RPL22L1: variants seen among roughly 807,000 people sequenced by gnomAD.
RPL22L1 encodes ribosomal protein L22 like 1.
Under a neutral mutation model 17.3 loss-of-function variants are expected in RPL22L1, and 19 were observed. The observed-to-expected ratio is 1.10, with a 90% CI of 0.77 to 1.61. The LOEUF (loss-of-function observed/expected upper bound fraction) is 1.61. RPL22L1 is among the 40% of genes most tolerant of loss of function. The probability of loss-of-function intolerance (pLI) is 0.00; values close to 1 mark genes in which losing one functional copy is unlikely to be tolerated. For missense variants in RPL22L1, 139 were observed against 144.4 expected (o/e 0.96, Z 0.19); for synonymous variants, 48 against 48.5 (o/e 0.99, Z 0.05).
intron 1 of RPL22L1, 118 bp downstream of exon 1, chr3:170,870,041 C>T (rs1711936544): frequency 6.8e-7 from 1 of 1,465,184 alleles, no homozygotes; most frequent in Admixed American, 1.8e-5. Flanking sequence ...ACCCAGACTT[C>T]ACTACTCCCC....
intron 3 of RPL22L1, 78 bp from the exon 4 acceptor site, chr3:170,866,602 A>G (rs559199988): frequency 2.0e-6 from 2 of 1,016,020 alleles, no homozygotes; most frequent in South Asian, 3.3e-5. Flanking sequence ...AAAAATATAC[A>G]TCATCATATT....
chr3:170,867,683 TCTC>T lies in RPL22L1; in HGVS notation c.224+327_224+329del, dbSNP rs1711820866. ...TACTGAATAAATAACTTGAGACAAT[TCTC>T]CTATGTACACATCAGACATGTTTCT... On this transcript the variant is annotated intron_variant, in intron 3 of 3. Transcript: ENST00000295830. Among the ~76,000 whole-genome samples the T allele has an allele frequency of 2.6e-5, 4 of 152,200 alleles. No homozygotes were observed. In the South Asian group the frequency reaches 6.2e-4, roughly 24 times the overall value.
At position 170,865,221 on chromosome 3, in the gene RPL22L1, A is replaced by G. The variant is rs1373358300; in HGVS notation, c.*1159T>C. On this transcript the variant is annotated 3_prime_UTR_variant, in exon 4 of 4. Transcript: ENST00000295830. ...AAACATTGAATTAAACAATAATTTC[A>G]AGCAATTCCCAAACCAATTAATGCA... 2 of 152,226 alleles carry G rather than the reference A, an allele frequency of 1.3e-5. No individual in the cohort carries two copies. The highest frequency in any genetic ancestry group is 1.5e-5 in the Non-Finnish European group (1 of 68,040). 9.4% of individuals were successfully genotyped at this position (152,226 alleles called of 1,614,324 possible). A position where few individuals can be genotyped will look rare whatever the true frequency, so the allele number is the denominator to read the frequency against.
Position 170,866,631 on chromosome 3 carries a change from C to T in RPL22L1, c.225-107G>A. ...TCATATTCATCTTTTCTGTACCTAG[C>T]TTCCTCCAAAATATTTCATCCTTCC... On this transcript the variant is annotated intron_variant, in intron 3 of 3. Transcript: ENST00000295830. 1.6e-5 allele frequency: 12 copies of T among 773,302 alleles called. No individual in the cohort carries two copies. In the South Asian group the frequency reaches 2.4e-4, roughly 15 times the overall value. The allele number at this position is 773,302 out of a possible 1,614,324, so 47.9% of individuals were successfully genotyped here.
At position 170,867,939 on chromosome 3, in the gene RPL22L1, C is replaced by T. The variant is rs977953856; in HGVS notation, c.224+74G>A. On this transcript the variant is annotated intron_variant, in intron 3 of 3. Transcript: ENST00000295830. ...TTTATTCTTGCATATAAACAGAATA[C>T]ATGTAATAACTACATATTCTATGAA... is the stretch of plus-strand genomic sequence containing the variant. 5 of 1,181,476 alleles carry T rather than the reference C, an allele frequency of 4.2e-6. No individual in the cohort carries two copies. In the African/African-American group the frequency reaches 4.7e-5, roughly 11 times the overall value. 73.2% of individuals were successfully genotyped at this position (1,181,476 alleles called of 1,614,324 possible). A position where few individuals can be genotyped will look rare whatever the true frequency, so the allele number is the denominator to read the frequency against.
At position 170,868,099 on chromosome 3, in the gene RPL22L1, G is replaced by C. The variant is rs771058648; in HGVS notation, c.138C>G (p.Gly46=). 5 of 1,606,244 alleles carry C rather than the reference G, an allele frequency of 3.1e-6. No individual in the cohort carries two copies. In the South Asian group the frequency reaches 5.6e-5, roughly 18 times the overall value. Residue 46 remains glycine (G), a synonymous_variant, in exon 3 of 4, where the codon GGC becomes GGG. Coordinates refer to ENST00000295830, the MANE Select transcript of RPL22L1 (RefSeq NM_001099645.2). ...CAACATTCCCGAGATTTCCAGTTTT[G>C]CCATTGACTTTAACCTTCTCCCGTA... ...QFLREKVKVN[G]KTGNLGNVVH...
intron 3 of RPL22L1, 73 bp downstream of exon 3, chr3:170,867,940 A>G: frequency 8.4e-7 from 1 of 1,195,310 alleles, no homozygotes; most frequent in Non-Finnish European, 1.2e-6. Flanking sequence ...AACAGAATAC[A>G]TGTAATAACT....
At chr3:170,867,445 T>C (rs1408751231) in intron 3 of RPL22L1, among the ~76,000 whole-genome samples, 1 of 152,228 alleles carries the variant, frequency 6.6e-6, no homozygotes, top group Non-Finnish European at 1.5e-5. Flanking sequence ...ACTAGTTTTA[T>C]GCCCTTACAG....
chr3:170,867,979 C>T, intron 3 of RPL22L1, 34 bp downstream of exon 3: 1 of 1,480,722 alleles, frequency 6.8e-7, no homozygotes, highest in South Asian at 1.2e-5. Flanking sequence ...TCCAAAACTA[C>T]TATAGTTTTA....
At position 170,866,544 on chromosome 3, in the gene RPL22L1, A is replaced by C. The variant is rs1420110214; in HGVS notation, c.225-20T>G. The C allele has an allele frequency of 4.0e-6, 6 of 1,499,944 alleles. No individual in the cohort carries two copies. The highest frequency in any genetic ancestry group is 1.2e-5 in the South Asian group (1 of 81,038). 92.9% of individuals were successfully genotyped at this position (1,499,944 alleles called of 1,614,324 possible). ...AAATACCTTTTAAAATAAAAACATA[A>C]ATTTCATTAAGAAATACAATTCCTA... On this transcript the variant is annotated intron_variant, in intron 3 of 3. Coordinates refer to ENST00000295830, the MANE Select transcript of RPL22L1 (RefSeq NM_001099645.2).
chr3:170,868,129 T>G lies in RPL22L1; in HGVS notation c.108A>C (p.Gln36His). 6.2e-7 allele frequency: 1 copy of G among 1,604,706 alleles called. No homozygotes were observed. The highest frequency in any genetic ancestry group is 1.1e-5 in the South Asian group (1 of 89,856). ...TGACTTTAACCTTCTCCCGTAGAAA[T>G]TGCTCCTATTTTAAAACAGAAAAAA... ...DGIFDSGNFE[Q>H]FLREKVKVNG... Residue 36 changes from glutamine to histidine, a missense_variant, in exon 3 of 4, where the codon CAA becomes CAC. Transcript: ENST00000295830.
Position 170,868,317 on chromosome 3 carries a change from A to G in RPL22L1, c.83T>C (p.Ile28Thr), listed in dbSNP as rs777585598. ...ACTTACAAAATTTCCAGAATCAAAA[A>G]TTCCATCTTCTACTGGATGAGTAAG... ...LDLTHPVEDGIFDSGNFEQFL... is the reference protein window; with the variant it reads ...LDLTHPVEDGTFDSGNFEQFL... Residue 28 changes from isoleucine to threonine, a missense_variant, in exon 2 of 4, where the codon ATT becomes ACT. By Grantham distance (89) the Ile-to-Thr change is moderately conservative. Coordinates refer to ENST00000295830, the MANE Select transcript of RPL22L1 (RefSeq NM_001099645.2). 13 of 1,609,256 alleles carry G rather than the reference A, an allele frequency of 8.1e-6. No homozygotes were observed. The highest frequency in any genetic ancestry group is 1.1e-5 in the Non-Finnish European group (13 of 1,177,310).
Position 170,868,074 on chromosome 3 carries a change from C to G in RPL22L1, c.163G>C (p.Val55Leu). ...TTATTCTTGAAGCGTTCAATGTGAA[C>G]AACATTCCCGAGATTTCCAGTTTTG... ...NGKTGNLGNV[V>L]HIERFKNKIT... is the part of the protein sequence containing the mutation. The change falls in exon 3 of 4, where the codon GTT becomes CTT. Residue 55 changes from valine (V) to leucine (L), a missense_variant. By Grantham distance (32) the Val-to-Leu change is conservative. Transcript: ENST00000295830. The G allele has an allele frequency of 4.4e-6, 7 of 1,605,634 alleles. No homozygotes were observed. Among genetic ancestry groups the G allele is most frequent in the Non-Finnish European group, 6.0e-6 (7 of 1,175,148 alleles).
rs576804506 is a variant in RPL22L1 at position 170,866,429 on chromosome 3, C to G, written c.320G>C (p.Arg107Pro). 17 of 1,603,378 alleles carry G rather than the reference C, an allele frequency of 1.1e-5. No homozygotes were observed. In the South Asian group the frequency reaches 1.2e-4, roughly 12 times the overall value. The stretch of plus-strand genomic sequence containing the variant: ...TTCATCTTGACTAATCTGGAAGTAA[C>G]GAAGTTCGTAGGTCTCCTTGTCAGA... ...VASDKETYEL[R>P]YFQISQDEDE... Residue 107 changes from arginine (R) to proline (P), a missense_variant, in exon 4 of 4, where the codon CGT (arginine) becomes CCT (proline). Physicochemically the swap from Arg to Pro is moderately radical, Grantham distance 103 (BLOSUM62 -2). Coordinates refer to ENST00000295830, the MANE Select transcript of RPL22L1 (RefSeq NM_001099645.2).
At position 170,866,509 on chromosome 3, in the gene RPL22L1, A is replaced by G. The variant is rs1307612033; in HGVS notation, c.240T>C (p.Leu80=). 15 of 1,550,528 alleles carry G rather than the reference A, an allele frequency of 9.7e-6. No individual in the cohort carries two copies. The South Asian group carries it at 1.4e-4, about 15-fold the overall frequency. The change falls in exon 4 of 4, where the codon CTT becomes CTC. Residue 80 remains leucine (L), a synonymous_variant. Coordinates refer to ENST00000295830, the MANE Select transcript of RPL22L1 (RefSeq NM_001099645.2). ...TGTTCTTCTTAAGGTATTTCTTGGT[A>G]AGGTATTTCAAATACCTTTTAAAAT... ...KQFSKRYLKY[L]TKKYLKKNNL...
chr3:170,869,208 G>A (rs1050353037), intron 1 of RPL22L1, among the ~76,000 whole-genome samples: 1 of 151,662 alleles, frequency 6.6e-6, no homozygotes, highest in African/African-American at 2.4e-5. Context: ...GGCTACATAA[G>A]CAAAATGTTA....
rs1312161598 is a variant in RPL22L1 at position 170,866,237 on chromosome 3, A to G, written c.*143T>C. The G allele has an allele frequency of 1.6e-6, 1 of 610,426 alleles. No individual in the cohort carries two copies. The highest frequency in any genetic ancestry group is 2.7e-6 in the Non-Finnish European group (1 of 363,874). 37.8% of individuals were successfully genotyped at this position (610,426 alleles called of 1,614,324 possible). ...AGAGGGAAATCAAAATCATATAAAC[A>G]GCATACTCAAAAAAATGAGACAAAA... On this transcript the variant is annotated 3_prime_UTR_variant, in exon 4 of 4. Coordinates refer to ENST00000295830, the MANE Select transcript of RPL22L1 (RefSeq NM_001099645.2).
chr3:170,868,427 A>G, intron 1 of RPL22L1, 37 bp from the exon 2 acceptor site: 1 of 1,252,874 alleles, frequency 8.0e-7, no homozygotes, highest in East Asian at 2.3e-5. Context: ...GCTATATAAA[A>G]CAACTTATTC....
At chr3:170,866,588 T>A in intron 3 of RPL22L1, 64 bp from the exon 4 acceptor site, 1 of 1,209,532 alleles carries the variant, frequency 8.3e-7, no homozygotes, top group Non-Finnish European at 1.2e-6. Context: ...AGGTTTACTA[T>A]ACGAAAAATA....
Sources: allele counts gnomAD v4.1 joint callset (sites outside exome capture counted in the v4.1 genomes callset), GRCh38; gene constraint gnomAD v4.1.1; transcripts MANE v1.5; gene names NCBI Gene and HGNC (gene_info 2026-07-23, HGNC 2026-07-21).